GALNT13: variants seen among roughly 807,000 people sequenced by gnomAD.
The protein encoded by GALNT13 is UDP-GalNAc:polypeptide N-acetylgalactosaminyltransferase 13.
GALNT13 carries 28 observed loss-of-function variants against 64.2 expected under a neutral mutation model. The ratio of observed to expected loss-of-function variants is 0.44; its 90% confidence interval spans 0.32 to 0.60. The LOEUF is 0.60. GALNT13 is among the 20% of genes least tolerant of loss of function. The probability of loss-of-function intolerance (pLI) is 0.05; values close to 1 mark genes in which losing one functional copy is unlikely to be tolerated. For missense variants in GALNT13, 577 were observed against 669.8 expected (o/e 0.86, Z 1.53); for synonymous variants, 214 against 224.6 (o/e 0.95, Z 0.42).
chr2:154,417,422 T>C (rs1468953575), intron 11 of GALNT13, among the ~76,000 whole-genome samples: 1 of 151,820 alleles, frequency 6.6e-6, no homozygotes, highest in Non-Finnish European at 1.5e-5. Context: ...AAAATTGTTA[T>C]TGTTAGTTGT....
the GALNT13 span, among the ~76,000 whole-genome samples, chr2:153,577,696 T>C: frequency 6.6e-6 from 1 of 151,964 alleles, no homozygotes; most frequent in Admixed American, 6.6e-5. Context: ...ACTATTGGCT[T>C]TCAGTCCACT....
chr2:154,442,862 TA>T (rs1701371035), intron 12 of GALNT13, among the ~76,000 whole-genome samples: 1 of 152,070 alleles, frequency 6.6e-6, no homozygotes, highest in African/African-American at 2.4e-5. Flanking sequence ...ATACTAAAAA[TA>T]ACTTATTTTT....
At chr2:153,726,315 A>G in the GALNT13 span, among the ~76,000 whole-genome samples, 14 of 152,152 alleles carry the variant, frequency 9.2e-5, no homozygotes, top group African/African-American at 3.4e-4. Flanking sequence ...TAACTCTCAT[A>G]GATGTGACTC....
At chr2:154,251,059 C>A (rs1046369073) in intron 7 of GALNT13, among the ~76,000 whole-genome samples, 4 of 151,982 alleles carry the variant, frequency 2.6e-5, no homozygotes, top group African/African-American at 4.8e-5. Flanking sequence ...AGAAAGAGTA[C>A]TTTTATATTA....
chr2:153,190,194 CGT>C, the GALNT13 span, among the ~76,000 whole-genome samples: 1 of 151,990 alleles, frequency 6.6e-6, no homozygotes, highest in South Asian at 2.1e-4. Flanking sequence ...TAGTGTTTCC[CGT>C]GTGTTTTCTT....
the GALNT13 span, among the ~76,000 whole-genome samples, chr2:153,638,521 A>G: frequency 5.7e-5 from 2 of 35,018 alleles, 1 homozygote; most frequent in African/African-American, 1.5e-4. Context: ...CGGATGAAGT[A>G]GGGGGATGGA....
At chr2:153,649,912 G>A in the GALNT13 span, among the ~76,000 whole-genome samples, 5 of 152,194 alleles carry the variant, frequency 3.3e-5, no homozygotes, top group African/African-American at 1.2e-4. Context: ...GAATAGGTGT[G>A]GTGTAGTGTT....
the GALNT13 span, among the ~76,000 whole-genome samples, chr2:153,541,857 C>T: frequency 1.3e-5 from 2 of 152,200 alleles, no homozygotes; most frequent in African/African-American, 4.8e-5. Context: ...ATCTTTGGGC[C>T]TTCATTCTGA....
the GALNT13 span, among the ~76,000 whole-genome samples, chr2:153,327,203 A>G: frequency 2.0e-5 from 3 of 152,106 alleles, no homozygotes; most frequent in Non-Finnish European, 4.4e-5. Context: ...TCTGTGGGTA[A>G]CCCTATTCTT....
chr2:153,817,218 T>G, the GALNT13 span, among the ~76,000 whole-genome samples: 2 of 152,190 alleles, frequency 1.3e-5, no homozygotes, highest in East Asian at 3.9e-4. Flanking sequence ...GACCATCTGA[T>G]AGAGGAGGAA....
chr2:153,825,197 G>A, the GALNT13 span, among the ~76,000 whole-genome samples: 1 of 152,180 alleles, frequency 6.6e-6, no homozygotes, highest in African/African-American at 2.4e-5. Context: ...TCAGTGGGTT[G>A]AAGTCAAAGA....
chr2:153,628,829 T>C, the GALNT13 span, among the ~76,000 whole-genome samples: 1 of 152,050 alleles, frequency 6.6e-6, no homozygotes, highest in Non-Finnish European at 1.5e-5. Flanking sequence ...TGTCTCTGCC[T>C]GGCTTTGGTA....
At chr2:153,693,874 G>C in the GALNT13 span, among the ~76,000 whole-genome samples, 3 of 152,050 alleles carry the variant, frequency 2.0e-5, no homozygotes, top group Non-Finnish European at 4.4e-5. Context: ...CAGCACTTTG[G>C]GAGGCCGAGG....
chr2:153,713,397 C>T, the GALNT13 span, among the ~76,000 whole-genome samples: 1 of 152,170 alleles, frequency 6.6e-6, no homozygotes, highest in Non-Finnish European at 1.5e-5. Context: ...TTTCCTTCCT[C>T]CTCACTGATG....
chr2:153,704,478 G>A, the GALNT13 span, among the ~76,000 whole-genome samples: 2 of 152,012 alleles, frequency 1.3e-5, no homozygotes, highest in Non-Finnish European at 2.9e-5. Context: ...TTTTCTCATT[G>A]AAAATATAAT....
At chr2:153,828,916 C>T in the GALNT13 span, among the ~76,000 whole-genome samples, 3 of 152,200 alleles carry the variant, frequency 2.0e-5, no homozygotes, top group Non-Finnish European at 2.9e-5. Context: ...CCTAAATCAT[C>T]TCTCTTGAGT....
chr2:153,396,727 G>A, the GALNT13 span, among the ~76,000 whole-genome samples: 1 of 152,048 alleles, frequency 6.6e-6, no homozygotes, highest in Non-Finnish European at 1.5e-5. Context: ...TATTAAACAT[G>A]CAACTCTTCC....
the GALNT13 span, among the ~76,000 whole-genome samples, chr2:153,265,190 C>T: frequency 6.6e-6 from 1 of 152,176 alleles, no homozygotes; most frequent in African/African-American, 2.4e-5. Context: ...TGATGTCTCA[C>T]TAGGTCATAT....
At chr2:153,256,353 T>C in the GALNT13 span, among the ~76,000 whole-genome samples, 3 of 152,226 alleles carry the variant, frequency 2.0e-5, no homozygotes, top group African/African-American at 7.2e-5. Context: ...TCGGTTAGTC[T>C]AGTTATACAT....
Sources: gnomAD v4.1 joint callset for allele counts (sites outside exome capture counted in the v4.1 genomes callset) on GRCh38, gnomAD v4.1.1 for gene constraint, MANE v1.5 for transcripts, NCBI Gene and HGNC (gene_info 2026-07-23, HGNC 2026-07-21) for gene names.